CDH13: variants seen among roughly 807,000 people sequenced by gnomAD.
CDH13 encodes cadherin-13.
Under a neutral mutation model 63.8 loss-of-function variants are expected in CDH13, and 24 were observed. The observed-to-expected ratio is 0.38, with a 90% CI of 0.27 to 0.53. CDH13 has a LOEUF of 0.53. Among genes scored for constraint, CDH13 ranks in the 20% least tolerant of loss-of-function variants. CDH13 has a pLI of 0.85. For missense variants in CDH13, 1,049 were observed against 903.1 expected (o/e 1.16, Z -2.07); for synonymous variants, 503 against 355.3 (o/e 1.42, Z -4.67).
chr16:82,922,667 C>G (rs1030038648), intron 2 of CDH13, among the ~76,000 whole-genome samples: 4 of 152,090 alleles, frequency 2.6e-5, no homozygotes, highest in African/African-American at 7.2e-5. Context: ...ATTTTATGAC[C>G]CATGCCTGAA....
At chr16:83,487,520 G>A (rs766938113) in intron 7 of CDH13, among the ~76,000 whole-genome samples, 1 of 152,072 alleles carries the variant, frequency 6.6e-6, no homozygotes, top group Non-Finnish European at 1.5e-5. Flanking sequence ...CCTTTCCTGA[G>A]TTTGAGGTCC....
rs567845348 is a variant in CDH13 at position 82,699,024 on chromosome 16, G to A, written c.45+71887G>A. Among the ~76,000 whole-genome samples the A allele has an allele frequency of 7.2e-5, 11 of 152,240 alleles. No homozygotes were observed. The South Asian group carries it at 8.3e-4, about 11-fold the overall frequency. On this transcript the variant is annotated intron_variant, in intron 1 of 13. Transcript: ENST00000567109. Reference sequence around the variant, plus strand: ...GCATGCCACATTTGGCCCGTGAGCCGTAGTTTGTTCATCCCTAGTTTAAGA... The same window carrying A: ...GCATGCCACATTTGGCCCGTGAGCCATAGTTTGTTCATCCCTAGTTTAAGA...
intron 1 of CDH13, among the ~76,000 whole-genome samples, chr16:82,657,145 A>G (rs567125854): frequency 6.6e-6 from 1 of 151,914 alleles, no homozygotes; most frequent in African/African-American, 2.4e-5. Flanking sequence ...GCCTGAAACT[A>G]TGGATTGTAC....
At chr16:83,658,688 C>T (rs1913127218) in intron 8 of CDH13, among the ~76,000 whole-genome samples, 2 of 151,730 alleles carry the variant, frequency 1.3e-5, no homozygotes, top group Admixed American at 6.5e-5. Flanking sequence ...CATATCCTCA[C>T]CACCAGGTCC....
At chr16:83,039,954 T>A (rs1917194608) in intron 3 of CDH13, among the ~76,000 whole-genome samples, 1 of 151,924 alleles carries the variant, frequency 6.6e-6, no homozygotes, top group Non-Finnish European at 1.5e-5. Context: ...GCTGGCTAGG[T>A]GTTCTTTCTC....
At chr16:83,428,080 T>C (rs770328938) in intron 6 of CDH13, among the ~76,000 whole-genome samples, 2 of 152,218 alleles carry the variant, frequency 1.3e-5, no homozygotes, top group Non-Finnish European at 2.9e-5. Flanking sequence ...GAGAGGGTCA[T>C]TTATGTTCAT....
intron 2 of CDH13, among the ~76,000 whole-genome samples, chr16:82,946,773 G>A (rs988825030): frequency 1.3e-5 from 2 of 151,826 alleles, no homozygotes; most frequent in African/African-American, 4.8e-5. Context: ...AAATCTCAAG[G>A]CAACATATCT....
intron 7 of CDH13, among the ~76,000 whole-genome samples, chr16:83,559,725 C>T (rs1171222879): frequency 6.6e-6 from 1 of 152,050 alleles, no homozygotes; most frequent in Non-Finnish European, 1.5e-5. Flanking sequence ...TAATTCTAAC[C>T]ACTTTCCAGA....
At chr16:83,178,404 G>A (rs915380807) in intron 4 of CDH13, among the ~76,000 whole-genome samples, 2 of 152,100 alleles carry the variant, frequency 1.3e-5, no homozygotes, top group African/African-American at 4.8e-5. Context: ...GTCCCCTCTG[G>A]CACTGATAGT....
intron 1 of CDH13, among the ~76,000 whole-genome samples, chr16:82,697,428 T>C (rs975487340): frequency 1.1e-4 from 12 of 113,220 alleles, no homozygotes; most frequent in African/African-American, 3.3e-4. Context: ...TTTTTCTTTT[T>C]TTTTTTTTTT....
intron 6 of CDH13, among the ~76,000 whole-genome samples, chr16:83,437,058 T>C (rs773725927): frequency 2.0e-5 from 3 of 152,172 alleles, no homozygotes; most frequent in South Asian, 2.1e-4. Context: ...CCTTGAGGCA[T>C]GCTTGGTACT....
chr16:82,743,141 A>G (rs2034008017), intron 1 of CDH13, among the ~76,000 whole-genome samples: 1 of 152,248 alleles, frequency 6.6e-6, no homozygotes, highest in Non-Finnish European at 1.5e-5. Context: ...ATTTTTAAAA[A>G]TGTAGAACAA....
chr16:83,479,775 A>AC (rs2073710615), intron 6 of CDH13, among the ~76,000 whole-genome samples: 1 of 152,226 alleles, frequency 6.6e-6, no homozygotes, highest in Non-Finnish European at 1.5e-5. Context: ...AAAGTTGGTC[A>AC]TTAGGAGAGA....
chr16:83,457,692 G>T (rs1353298377), intron 6 of CDH13, among the ~76,000 whole-genome samples: 1 of 151,986 alleles, frequency 6.6e-6, no homozygotes, highest in Non-Finnish European at 1.5e-5. Flanking sequence ...GAACCAGCAG[G>T]CCAGGCCATG....
At chr16:83,612,425 G>C (rs1248416424) in intron 8 of CDH13, among the ~76,000 whole-genome samples, 1 of 151,792 alleles carries the variant, frequency 6.6e-6, no homozygotes, top group Non-Finnish European at 1.5e-5. Flanking sequence ...TCTCTTTTAA[G>C]TGGTGTATGT....
In CDH13 at chr16:83,370,818, C is replaced by G. The variant is rs575335590; in HGVS notation, c.781+25812C>G. On this transcript the variant is annotated intron_variant, in intron 6 of 13. Transcript: ENST00000567109. ...GACATGATCTTGTTCTTTTGTATAG[C>G]TGTGTAGTATTCCACATTATATATG... Among the ~76,000 whole-genome samples, 6 of 152,318 alleles carry G rather than the reference C, an allele frequency of 3.9e-5. No individual in the cohort carries two copies. In the East Asian group the frequency reaches 1.2e-3, roughly 29 times the overall value.
intron 4 of CDH13, among the ~76,000 whole-genome samples, chr16:83,172,746 G>T (rs897987659): frequency 4.6e-5 from 7 of 151,880 alleles, no homozygotes; most frequent in African/African-American, 7.3e-5. Flanking sequence ...TGTCATAACA[G>T]CCCTAACAAA....
chr16:82,761,313 C>T (rs924271041), intron 1 of CDH13, among the ~76,000 whole-genome samples: 12 of 152,008 alleles, frequency 7.9e-5, no homozygotes, highest in Non-Finnish European at 1.2e-4. Flanking sequence ...CCGCCATGCC[C>T]GGCACATTTC....
intron 2 of CDH13, among the ~76,000 whole-genome samples, chr16:82,956,884 G>T (rs1279367022): frequency 6.6e-6 from 1 of 152,184 alleles, no homozygotes; most frequent in African/African-American, 2.4e-5. Context: ...TAAGATAGAT[G>T]CATATTACTC....
Sources: gnomAD v4.1 joint callset for allele counts (sites outside exome capture counted in the v4.1 genomes callset) on GRCh38, gnomAD v4.1.1 for gene constraint, MANE v1.5 for transcripts, NCBI Gene and HGNC (gene_info 2026-07-23, HGNC 2026-07-21) for gene names.